ITPR1: variants seen among roughly 807,000 people sequenced by gnomAD.
The protein encoded by ITPR1 is inositol 1,4,5-trisphosphate receptor type 1.
Under a neutral mutation model 318.4 loss-of-function variants are expected in ITPR1, and 96 were observed. That is an observed-to-expected ratio of 0.30 (90% CI 0.26 to 0.36). The LOEUF is 0.36. Ranked by LOEUF, ITPR1 falls within the 10% of genes least tolerant of loss-of-function variation. The pLI, the probability that ITPR1 is intolerant of heterozygous loss-of-function variation, is 1.00. For synonymous variants in ITPR1, 1,312 were observed against 1,289.9 expected (o/e 1.02, Z -0.37); for missense variants, 2,440 against 3,460.2 (o/e 0.71, Z 7.40).
At chr3:4,833,806 C>T (rs2050686651) in intron 60 of ITPR1, among the ~76,000 whole-genome samples, 1 of 152,206 alleles carries the variant, frequency 6.6e-6, no homozygotes, top group Admixed American at 6.5e-5. Flanking sequence ...GGATTTTAGC[C>T]AATCAATCAG....
In ITPR1 at chr3:4,766,254, T is replaced by C. The variant is rs549990409; in HGVS notation, c.5545-276T>C. Among the ~76,000 whole-genome samples, 68 of 152,326 alleles carry C rather than the reference T, an allele frequency of 4.5e-4. No individual in the cohort carries two copies. The South Asian group carries it at 5.8e-3, about 13-fold the overall frequency. ...AAGGGTGGAAGGGAATTGTTCTTAG[T>C]TGGCAACAGTCTGCCCACCACACTC... On this transcript the variant is annotated intron_variant, in intron 44 of 61. Coordinates refer to ENST00000649015, the MANE Select transcript of ITPR1 (RefSeq NM_001378452.1).
At chr3:4,741,157 T>G (rs3828436) in intron 44 of ITPR1, among the ~76,000 whole-genome samples, 64,717 of 151,968 alleles carry the variant, frequency 0.43, 14,940 homozygotes, top group East Asian at 0.93. Flanking sequence ...GGGGCTGTCC[T>G]TACCTGGAAT....
rs1559656790 is a variant in ITPR1, at chr3:4,670,801, CGAG to C, written c.2082_2084del (p.Glu696del). On this transcript the variant is annotated inframe_deletion, in exon 20 of 62. Coordinates refer to ENST00000649015, the MANE Select transcript of ITPR1 (RefSeq NM_001378452.1). ...AGAATGCTCTGGAGGCAGGAGAAGA[CGAG>C]GAAGAGGTGTGGCTGTTTTGGAGGG... 1 of 1,608,678 alleles carries C rather than the reference CGAG, an allele frequency of 6.2e-7. No homozygotes were observed. Among genetic ancestry groups the C allele is most frequent in the African/African-American group, 1.3e-5 (1 of 74,792 alleles).
intron 4 of ITPR1, among the ~76,000 whole-genome samples, chr3:4,552,317 C>T (rs2085648202): frequency 6.6e-6 from 1 of 152,202 alleles, no homozygotes; most frequent in Admixed American, 6.5e-5. Context: ...CCACCTCCCA[C>T]CTGACACACC....
intron 44 of ITPR1, among the ~76,000 whole-genome samples, chr3:4,755,654 G>A (rs569988151): frequency 1.8e-4 from 27 of 152,298 alleles, no homozygotes; most frequent in African/African-American, 4.6e-4. Flanking sequence ...AGCTTAGGCC[G>A]TTCCCCAGAG....
intron 2 of ITPR1, among the ~76,000 whole-genome samples, chr3:4,508,179 G>A (rs547615953): frequency 6.6e-6 from 1 of 152,272 alleles, no homozygotes; most frequent in Non-Finnish European, 1.5e-5. Flanking sequence ...CCCGATTACT[G>A]AAAGTCAGAC....
intron 4 of ITPR1, among the ~76,000 whole-genome samples, chr3:4,577,137 C>A (rs1195908536): frequency 2.6e-5 from 4 of 152,138 alleles, no homozygotes; most frequent in Non-Finnish European, 4.4e-5. Context: ...ATTCCACAGA[C>A]CCCCCTACTG....
intron 44 of ITPR1, among the ~76,000 whole-genome samples, chr3:4,743,797 G>A (rs1197304863): frequency 6.6e-6 from 1 of 152,160 alleles, no homozygotes; most frequent in Non-Finnish European, 1.5e-5. Context: ...TCCTTTCTGC[G>A]AAACCTAGAA....
chr3:4,712,072 C>A (rs1271587299), intron 39 of ITPR1, among the ~76,000 whole-genome samples: 2 of 152,172 alleles, frequency 1.3e-5, no homozygotes, highest in East Asian at 3.8e-4. Flanking sequence ...GTCAAATATA[C>A]TTAGTCGTCT....
At chr3:4,684,016 T>C (rs1352421011) in intron 28 of ITPR1, among the ~76,000 whole-genome samples, 1 of 152,198 alleles carries the variant, frequency 6.6e-6, no homozygotes, top group Admixed American at 6.5e-5. Flanking sequence ...TAGAAGAGAC[T>C]GCGATATTGA....
intron 4 of ITPR1, among the ~76,000 whole-genome samples, chr3:4,627,320 C>A (rs1045540895): frequency 2.0e-5 from 3 of 151,994 alleles, no homozygotes. Context: ...AAAAATTAGC[C>A]AGGCTTGGTG....
At chr3:4,771,638 C>T (rs2046191513) in intron 46 of ITPR1, among the ~76,000 whole-genome samples, 1 of 152,156 alleles carries the variant, frequency 6.6e-6, no homozygotes, top group African/African-American at 2.4e-5. Flanking sequence ...TGGACAGAAG[C>T]ACCTTTTAAT....
intron 51 of ITPR1, among the ~76,000 whole-genome samples, chr3:4,785,761 A>T (rs921610142): frequency 6.6e-5 from 10 of 152,260 alleles, no homozygotes; most frequent in Admixed American, 3.3e-4. Context: ...AGAGGTGTGA[A>T]CAAGGTCACC....
At chr3:4,516,376 G>A in intron 2 of ITPR1, 100 bp from the exon 3 acceptor site, 1 of 609,792 alleles carries the variant, frequency 1.6e-6, no homozygotes, top group African/African-American at 1.9e-5. Flanking sequence ...TTTTAAGTAA[G>A]GCGCTTTGGA....
At chr3:4,715,021 C>A (rs1038940009) in intron 39 of ITPR1, among the ~76,000 whole-genome samples, 2 of 152,238 alleles carry the variant, frequency 1.3e-5, no homozygotes, top group Non-Finnish European at 2.9e-5. Flanking sequence ...ATACTAAACA[C>A]ATCTGCCTTA....
chr3:4,792,055 G>A (rs1489334000), intron 52 of ITPR1, among the ~76,000 whole-genome samples: 1 of 152,290 alleles, frequency 6.6e-6, no homozygotes, highest in African/African-American at 2.4e-5. Context: ...CCAGCTGCTA[G>A]AGGCTACCTG....
chr3:4,648,682 T>C (rs1477872784), intron 10 of ITPR1, among the ~76,000 whole-genome samples: 1 of 152,114 alleles, frequency 6.6e-6, no homozygotes, highest in Non-Finnish European at 1.5e-5. Flanking sequence ...TGATGGCACA[T>C]GTCTATAATC....
intron 4 of ITPR1, among the ~76,000 whole-genome samples, chr3:4,550,169 A>C (rs1027550001): frequency 6.8e-6 from 1 of 146,290 alleles, no homozygotes; most frequent in African/African-American, 2.5e-5. Context: ...CGGTGGGGTT[A>C]ATTTCTGGCT....
intron 4 of ITPR1, among the ~76,000 whole-genome samples, chr3:4,535,776 A>G (rs1367010744): frequency 3.3e-5 from 5 of 152,090 alleles, no homozygotes; most frequent in Non-Finnish European, 4.4e-5. Context: ...AAATCTGGGC[A>G]TTTTAAAGCA....
Sources: allele counts gnomAD v4.1 joint callset (sites outside exome capture counted in the v4.1 genomes callset), GRCh38; gene constraint gnomAD v4.1.1; transcripts MANE v1.5; gene names NCBI Gene and HGNC (gene_info 2026-07-23, HGNC 2026-07-21).